NRXN1: variants seen among roughly 807,000 people sequenced by gnomAD.
The protein encoded by NRXN1 is neurexin-1.
In NRXN1, 39 loss-of-function variants were observed where a neutral mutation model predicts 150.9. The observed-to-expected ratio is 0.26, with a 90% CI of 0.20 to 0.34. NRXN1 has a LOEUF of 0.34. Ranked by LOEUF, NRXN1 falls within the 10% of genes least tolerant of loss-of-function variation. NRXN1 has a pLI of 1.00. For synonymous variants in NRXN1, 924 were observed against 757.0 expected (o/e 1.22, Z -3.62); for missense variants, 1,815 against 1,949.9 (o/e 0.93, Z 1.30).
At chr2:50,220,968 C>A (rs510853) in intron 18 of NRXN1, among the ~76,000 whole-genome samples, 101,732 of 151,874 alleles carry the variant, frequency 0.67, 35,625 homozygotes, top group African/African-American at 0.88. Context: ...ACTTGCCGAG[C>A]AGATGGTTGG....
Position 50,465,522 on chromosome 2 carries a change from T to A in NRXN1, c.3284A>T (p.Gln1095Leu). The A allele has an allele frequency of 6.2e-7, 1 of 1,610,744 alleles. No homozygotes were observed. Among genetic ancestry groups the A allele is most frequent in the Non-Finnish European group, 8.5e-7 (1 of 1,178,122 alleles). The change falls in exon 17 of 23, where the codon CAA becomes CTA. Residue 1095 changes from glutamine to leucine, a missense_variant. Around this residue, in one of 6 missense-constraint regions of NRXN1, gnomAD observed 339 missense variants for 440.3 expected, o/e 0.77. Transcript: ENST00000401669. ...ATCCCATTGTTGCAAGCACACACCT[T>A]GATTGGAACATGAGTCCTCTTGGCA... is the stretch of plus-strand genomic sequence containing the variant. ...TTCQEDSCSN[Q>L]GVCLQQWDGF...
chr2:50,009,854 A>C (rs925860813), intron 21 of NRXN1, among the ~76,000 whole-genome samples: 1 of 152,176 alleles, frequency 6.6e-6, no homozygotes. Context: ...TTACATTTGC[A>C]TAACTACTGT....
At chr2:51,009,699 A>G (rs1278025651) in intron 2 of NRXN1, among the ~76,000 whole-genome samples, 1 of 151,912 alleles carries the variant, frequency 6.6e-6, no homozygotes, top group East Asian at 1.9e-4. Context: ...ATGATAATAT[A>G]CCTTACTATG....
At chr2:50,987,357 T>C (rs558341392) in intron 2 of NRXN1, among the ~76,000 whole-genome samples, 1 of 151,944 alleles carries the variant, frequency 6.6e-6, no homozygotes, top group Non-Finnish European at 1.5e-5. Flanking sequence ...TTTCTTCTTC[T>C]AGATATTCAC....
intron 5 of NRXN1, among the ~76,000 whole-genome samples, chr2:50,771,894 G>T (rs560007388): frequency 6.6e-6 from 1 of 152,066 alleles, no homozygotes; most frequent in African/African-American, 2.4e-5. Context: ...ACTTATCAGG[G>T]GTGAGAGTAC....
At chr2:49,935,119 T>G (rs1231555188) in intron 22 of NRXN1, among the ~76,000 whole-genome samples, 1 of 152,248 alleles carries the variant, frequency 6.6e-6, no homozygotes, top group African/African-American at 2.4e-5. Context: ...AGCTTTCCTG[T>G]GGTAGACTAT....
intron 18 of NRXN1, among the ~76,000 whole-genome samples, chr2:50,149,383 T>A (rs1206649402): frequency 6.6e-6 from 1 of 151,698 alleles, no homozygotes; most frequent in African/African-American, 2.4e-5. Flanking sequence ...TTGTCACCAC[T>A]ACTGATAAAT....
intron 17 of NRXN1, among the ~76,000 whole-genome samples, chr2:50,360,160 C>A (rs2079088502): frequency 6.6e-6 from 1 of 151,718 alleles, no homozygotes; most frequent in Admixed American, 6.6e-5. Context: ...TGTGAAAGAC[C>A]AATGTGTGTA....
At chr2:50,305,819 G>C (rs1368630787) in intron 17 of NRXN1, among the ~76,000 whole-genome samples, 2 of 152,146 alleles carry the variant, frequency 1.3e-5, no homozygotes, top group Non-Finnish European at 2.9e-5. Flanking sequence ...CCTGCCCTTG[G>C]GAGTTATAAA....
chr2:50,971,366 C>CCT (rs1185989576), intron 2 of NRXN1, among the ~76,000 whole-genome samples: 5 of 151,970 alleles, frequency 3.3e-5, no homozygotes, highest in South Asian at 4.1e-4. Context: ...GGGCGGATCA[C>CCT]AAGGTCAGGA....
intron 22 of NRXN1, among the ~76,000 whole-genome samples, chr2:49,942,751 A>G (rs1672222216): frequency 6.6e-6 from 1 of 152,154 alleles, no homozygotes; most frequent in African/African-American, 2.4e-5. Context: ...CTGGGATTAC[A>G]GGTGCACAGC....
At position 50,934,573 on chromosome 2, in the gene NRXN1, C is replaced by G. The variant is rs893730899; in HGVS notation, c.773-8618G>C. Reference sequence around the variant, plus strand: ...TGTAGCCACTGGCTACCAGGCTGGACAGCACAAATTGTGAAGCTTTCAGTC... The same window carrying G: ...TGTAGCCACTGGCTACCAGGCTGGAGAGCACAAATTGTGAAGCTTTCAGTC... On this transcript the variant is annotated intron_variant, in intron 2 of 22. Transcript: ENST00000401669. Among the ~76,000 whole-genome samples, 7 of 152,246 alleles carry G rather than the reference C, an allele frequency of 4.6e-5. No individual in the cohort carries two copies. The East Asian group carries it at 1.2e-3, about 25-fold the overall frequency.
At chr2:50,792,095 G>A (rs1010786024) in intron 5 of NRXN1, among the ~76,000 whole-genome samples, 2 of 152,028 alleles carry the variant, frequency 1.3e-5, no homozygotes, top group Non-Finnish European at 2.9e-5. Flanking sequence ...GTAGTATATC[G>A]GAAGAACATT....
chr2:49,933,519 G>A (rs1670503806), intron 22 of NRXN1, among the ~76,000 whole-genome samples: 1 of 152,100 alleles, frequency 6.6e-6, no homozygotes, highest in Admixed American at 6.5e-5. Flanking sequence ...AGTGAAGAGT[G>A]GTAAAAAGAA....
intron 5 of NRXN1, among the ~76,000 whole-genome samples, chr2:50,877,786 G>T (rs866682041): frequency 6.6e-6 from 1 of 151,872 alleles, no homozygotes; most frequent in Non-Finnish European, 1.5e-5. Flanking sequence ...TTGTTGCAGG[G>T]TTAGCAAGGA....
chr2:49,975,956 C>T (rs921714015), intron 21 of NRXN1, among the ~76,000 whole-genome samples: 3 of 151,338 alleles, frequency 2.0e-5, no homozygotes, highest in African/African-American at 7.3e-5. Flanking sequence ...TGTGTATAGG[C>T]TATACTTACT....
chr2:50,409,988 A>T (rs1227926268), intron 17 of NRXN1, among the ~76,000 whole-genome samples: 1 of 152,100 alleles, frequency 6.6e-6, no homozygotes, highest in Non-Finnish European at 1.5e-5. Flanking sequence ...TGTCTCTCTG[A>T]TCTCATGTTG....
chr2:50,704,691 A>G (rs1694194567), intron 5 of NRXN1, among the ~76,000 whole-genome samples: 1 of 151,326 alleles, frequency 6.6e-6, no homozygotes, highest in African/African-American at 2.4e-5. Context: ...TCTGTGTTTC[A>G]TTTCTTTCAT....
At chr2:49,989,133 T>C (rs1470414753) in intron 21 of NRXN1, among the ~76,000 whole-genome samples, 1 of 152,178 alleles carries the variant, frequency 6.6e-6, no homozygotes, top group Non-Finnish European at 1.5e-5. Context: ...AATTGCATGA[T>C]GAAAATCCAA....
Sources: gnomAD v4.1 joint callset for allele counts (sites outside exome capture counted in the v4.1 genomes callset) on GRCh38, gnomAD v4.1.1 for gene constraint, gnomAD v4.1.1 regional missense constraint, MANE v1.5 for transcripts, NCBI Gene and HGNC (gene_info 2026-07-23, HGNC 2026-07-21) for gene names.